Variants in MRNIP observed in about 807,000 individuals in gnomAD.
MRNIP encodes the protein MRN complex-interacting protein.
In MRNIP, 30 loss-of-function variants were observed where a neutral mutation model predicts 29.8. The observed-to-expected ratio is 1.01, with a 90% CI of 0.75 to 1.36. The LOEUF (loss-of-function observed/expected upper bound fraction) is 1.36. MRNIP is among the 40% of genes most tolerant of loss of function. MRNIP has a pLI of 0.00. For missense variants in MRNIP, 459 were observed against 423.5 expected (o/e 1.08, Z -0.74); for synonymous variants, 201 against 164.1 (o/e 1.23, Z -1.72).
intron 5 of MRNIP, 99 bp from the exon 6 acceptor site, chr5:179,841,058 G>T: frequency 2.5e-6 from 2 of 803,328 alleles, no homozygotes; most frequent in Non-Finnish European, 2.0e-6. Flanking sequence ...GTGGCCACCT[G>T]CTTGTTCCTA....
At chr5:179,838,050 C>T (rs1758691969) in intron 6 of MRNIP, 165 bp from the exon 7 acceptor site, 3 of 638,568 alleles carry the variant, frequency 4.7e-6, no homozygotes, top group East Asian at 2.7e-5. Flanking sequence ...CAAGACAAAG[C>T]AAATAAATGC....
chr5:179,840,885 C>A lies in MRNIP; in HGVS notation c.524G>T (p.Trp175Leu). Reference sequence around the variant, plus strand: ...TTTGTCACTGACCTTCTGGGGTCCCCAGGCGACCTCAGAGCCACCCGAGTC... The same window carrying A: ...TTTGTCACTGACCTTCTGGGGTCCCAAGGCGACCTCAGAGCCACCCGAGTC... Reference protein sequence around the residue: ...VQDSGGSEVAWGPQKGQAGLT... With the variant: ...VQDSGGSEVALGPQKGQAGLT... The change falls in exon 6 of 7, where the codon TGG (tryptophan) becomes TTG (leucine). Residue 175 changes from tryptophan to leucine, a missense_variant. Transcript: ENST00000292586. 6.2e-7 allele frequency: 1 copy of A among 1,610,918 alleles called. No individual in the cohort carries two copies. The highest frequency in any genetic ancestry group is 2.2e-5 in the East Asian group (1 of 44,826).
chr5:179,844,431 G>A (rs569482197), intron 3 of MRNIP: 6 of 487,656 alleles, frequency 1.2e-5, no homozygotes, highest in East Asian at 8.1e-5. Flanking sequence ...GTTTGAACCC[G>A]GAAGGCAGAG....
intron 2 of MRNIP, chr5:179,851,454 A>G: frequency 2.2e-6 from 1 of 455,976 alleles, no homozygotes; most frequent in South Asian, 1.5e-5. Flanking sequence ...GAAGGAGAGG[A>G]GAAAATAGAG....
chr5:179,853,541 AG>A, intron 1 of MRNIP, 104 bp from the exon 2 acceptor site: 1 of 846,182 alleles, frequency 1.2e-6, no homozygotes, highest in Admixed American at 2.2e-5. Flanking sequence ...TGGGAGGCCG[AG>A]GCGGGCAGAT....
At chr5:179,838,044 A>G (rs1758691380) in intron 6 of MRNIP, 159 bp from the exon 7 acceptor site, 5 of 668,980 alleles carry the variant, frequency 7.5e-6, no homozygotes, top group Non-Finnish European at 1.3e-5. Flanking sequence ...GGTTAGCAAG[A>G]CAAAGCAAAT....
At chr5:179,854,300 G>A (rs1332691775) in intron 1 of MRNIP, among the ~76,000 whole-genome samples, 1 of 152,208 alleles carries the variant, frequency 6.6e-6, no homozygotes, top group Non-Finnish European at 1.5e-5. Context: ...GATTACAGGC[G>A]TGAGCCACCA....
intron 1 of MRNIP, among the ~76,000 whole-genome samples, chr5:179,856,855 A>G (rs899843063): frequency 2.6e-5 from 4 of 151,474 alleles, no homozygotes; most frequent in Middle Eastern, 6.9e-3. Context: ...TTTGGGAGCT[A>G]AGGCGGGAAG....
At chr5:179,853,534 G>C (rs562563050) in intron 1 of MRNIP, 97 bp from the exon 2 acceptor site, 5 of 954,244 alleles carry the variant, frequency 5.2e-6, no homozygotes, top group Non-Finnish European at 8.0e-6. Context: ...CCCCCTTTGG[G>C]AGGCCGAGGC....
rs2113549628 is a variant in MRNIP, at chr5:179,844,228, C to T, written c.216-1G>A. 6.2e-7 allele frequency: 1 copy of T among 1,613,540 alleles called. No homozygotes were observed. The highest frequency in any genetic ancestry group is 2.2e-5 in the East Asian group (1 of 44,882). The stretch of plus-strand genomic sequence containing the variant: ...GGCACTGACAGTTTCTTCTAGAGAC[C>T]TTCAGGGAAGACCATACATATGCCC... On this transcript the variant is annotated splice_acceptor_variant, in intron 3 of 6. Coordinates refer to ENST00000292586, the MANE Select transcript of MRNIP (RefSeq NM_016175.4). LOFTEE classifies it high-confidence loss of function.
intron 2 of MRNIP, among the ~76,000 whole-genome samples, chr5:179,849,303 G>A (rs1307765478): frequency 6.6e-6 from 1 of 151,536 alleles, no homozygotes; most frequent in African/African-American, 2.4e-5. Context: ...GGTACGAGAT[G>A]GAATTTGAGA....
intron 1 of MRNIP, among the ~76,000 whole-genome samples, chr5:179,857,135 G>C (rs541556655): frequency 2.0e-5 from 3 of 151,848 alleles, no homozygotes; most frequent in Non-Finnish European, 2.9e-5. Flanking sequence ...GAACATGGAA[G>C]AGTGAAACAG....
At chr5:179,851,661 T>C (rs1477928559) in intron 2 of MRNIP, among the ~76,000 whole-genome samples, 1 of 152,126 alleles carries the variant, frequency 6.6e-6, no homozygotes, top group African/African-American at 2.4e-5. Flanking sequence ...GAACCCATTC[T>C]GAAGTGTTTT....
chr5:179,837,605 C>T lies in MRNIP; in HGVS notation c.818G>A (p.Arg273Lys). The T allele has an allele frequency of 6.2e-7, 1 of 1,614,188 alleles. No individual in the cohort carries two copies. Among genetic ancestry groups the T allele is most frequent in the African/African-American group, 1.3e-5 (1 of 75,044 alleles). Residue 273 changes from arginine (R) to lysine (K), a missense_variant, in exon 7 of 7, where the codon AGA (arginine) becomes AAA (lysine). Coordinates refer to ENST00000292586, the MANE Select transcript of MRNIP (RefSeq NM_016175.4). Reference sequence around the variant, plus strand: ...GGCAGTGGGCCTGCTGAGGCCTTCTCTTGAGGCCTGTGCTCTGGGGGTCCC... The same window carrying T: ...GGCAGTGGGCCTGCTGAGGCCTTCTTTTGAGGCCTGTGCTCTGGGGGTCCC... The part of the protein sequence containing the change: ...KQGTPRAQAS[R>K]EGLSRPTAAV...
chr5:179,847,203 T>C (rs574333791), intron 3 of MRNIP: 1 of 148,012 alleles, frequency 6.8e-6, no homozygotes, highest in Admixed American at 6.8e-5. Flanking sequence ...AGTCTCGTTC[T>C]GTCGCCCAGG....
chr5:179,843,682 G>A (rs1399375659), intron 4 of MRNIP, among the ~76,000 whole-genome samples: 1 of 152,118 alleles, frequency 6.6e-6, no homozygotes, highest in Non-Finnish European at 1.5e-5. Context: ...CAAGGCTGCA[G>A]AGAACCATGA....
At chr5:179,846,341 T>C (rs1759128991) in intron 3 of MRNIP, among the ~76,000 whole-genome samples, 1 of 151,934 alleles carries the variant, frequency 6.6e-6, no homozygotes, top group Admixed American at 6.6e-5. Flanking sequence ...TGGAGTGCAG[T>C]GGCACCACCT....
At chr5:179,855,055 A>T (rs141554899) in intron 1 of MRNIP, among the ~76,000 whole-genome samples, 1 of 152,332 alleles carries the variant, frequency 6.6e-6, no homozygotes, top group East Asian at 1.9e-4. Flanking sequence ...TTATTTATAG[A>T]CATAATTATA....
At chr5:179,840,543 G>A (rs369190547) in intron 6 of MRNIP, 20 of 467,736 alleles carry the variant, frequency 4.3e-5, no homozygotes, top group South Asian at 1.8e-4. Context: ...ACTCCTGCCC[G>A]GACAAAGGTC....
Sources: allele counts gnomAD v4.1 joint callset (sites outside exome capture counted in the v4.1 genomes callset), GRCh38; gene constraint gnomAD v4.1.1; transcripts MANE v1.5; gene names NCBI Gene and HGNC (gene_info 2026-07-23, HGNC 2026-07-21).